Variants in SERPINC1 observed in about 807,000 individuals in gnomAD.
SERPINC1 encodes antithrombin-III.
SERPINC1 carries 12 observed loss-of-function variants against 43.4 expected under a neutral mutation model. The ratio of observed to expected loss-of-function variants is 0.28; its 90% CI spans 0.18 to 0.45. The LOEUF is 0.45. SERPINC1 is among the 20% of genes least tolerant of loss of function. The probability of loss-of-function intolerance (pLI) is 1.00; values close to 1 mark genes in which losing one functional copy is unlikely to be tolerated. For missense variants in SERPINC1, 423 were observed against 578.8 expected (o/e 0.73, Z 2.76); for synonymous variants, 210 against 218.9 (o/e 0.96, Z 0.36).
intron 6 of SERPINC1, 143 bp from the exon 7 acceptor site, chr1:173,904,208 A>G (rs1657386285): frequency 2.7e-6 from 2 of 750,498 alleles, no homozygotes; most frequent in South Asian, 1.5e-5. Flanking sequence ...GATTCCCTCC[A>G]GAATCCTACT....
chr1:173,915,036 A>G, intron 1 of SERPINC1, 117 bp from the exon 2 acceptor site: 1 of 1,535,388 alleles, frequency 6.5e-7, no homozygotes, highest in Admixed American at 2.0e-5. Flanking sequence ...GCCAAGAGAA[A>G]GGCTAAATCC....
intron 5 of SERPINC1, among the ~76,000 whole-genome samples, chr1:173,908,108 A>G (rs1299455800): frequency 6.6e-6 from 1 of 151,974 alleles, no homozygotes; most frequent in Non-Finnish European, 1.5e-5. Flanking sequence ...AGAAACGGCA[A>G]GACTCTGTTC....
chr1:173,910,684 T>A, intron 4 of SERPINC1, 70 bp downstream of exon 4: 13 of 1,478,488 alleles, frequency 8.8e-6, no homozygotes, highest in Non-Finnish European at 1.1e-5. Flanking sequence ...TCTCGCCATT[T>A]AAAAAAAAAG....
chr1:173,916,351 G>A (rs1418851968), intron 1 of SERPINC1, among the ~76,000 whole-genome samples: 3 of 152,202 alleles, frequency 2.0e-5, no homozygotes, highest in South Asian at 2.1e-4. Flanking sequence ...CACGGACGTG[G>A]TCCGTTGGGC....
At chr1:173,910,728 G>A (rs1406029256) in intron 4 of SERPINC1, 26 bp downstream of exon 4, 3 of 1,610,180 alleles carry the variant, frequency 1.9e-6, no homozygotes, top group South Asian at 2.2e-5. Context: ...AAGTCCCTGG[G>A]GTCTCTCCAG....
At chr1:173,916,948 CT>C (rs1658016776) in intron 1 of SERPINC1, among the ~76,000 whole-genome samples, 1 of 152,172 alleles carries the variant, frequency 6.6e-6, no homozygotes, top group African/African-American at 2.4e-5. Flanking sequence ...CCCGTGAGTG[CT>C]GACTTCCTGC....
intron 4 of SERPINC1, 31 bp downstream of exon 4, chr1:173,910,723 C>T (rs374909354): frequency 7.3e-5 from 118 of 1,612,082 alleles, no homozygotes; most frequent in Non-Finnish European, 9.4e-5. Context: ...AGAGGAAGTC[C>T]CTGGGGTCTC....
At position 173,911,851 on chromosome 1, in the gene SERPINC1, T is replaced by C. The variant is rs1131691435; in HGVS notation, c.572A>G (p.Gln191Arg). 6.2e-7 allele frequency: 1 copy of C among 1,614,218 alleles called. No homozygotes were observed. The highest frequency in any genetic ancestry group is 2.2e-5 in the East Asian group (1 of 44,890). ...TCCATATACCAACTCACTGATGTCC[T>C]GGTAGGTCTCATTGAAGGTAAGGGA... ...DKSLTFNETY[Q>R]DISELVYGAK... The change falls in exon 3 of 7, where the codon CAG becomes CGG. Residue 191 changes from glutamine to arginine, a missense_variant. By Grantham distance (43) the Gln-to-Arg change is conservative (BLOSUM62 1). Coordinates refer to ENST00000367698, the MANE Select transcript of SERPINC1 (RefSeq NM_000488.4).
rs2102782763 is a variant in SERPINC1, at chr1:173,909,731, G to A, written c.974C>T (p.Ala325Val). 6.2e-7 allele frequency: 1 copy of A among 1,614,132 alleles called. No individual in the cohort carries two copies. Among genetic ancestry groups the A allele is most frequent in the Non-Finnish European group, 8.5e-7 (1 of 1,179,992 alleles). Residue 325 changes from alanine to valine, a missense_variant, in exon 5 of 7, where the codon GCC (alanine) becomes GTC (valine). Ala to Val is a moderately conservative substitution (Grantham distance 64). Coordinates refer to ENST00000367698, the MANE Select transcript of SERPINC1 (RefSeq NM_000488.4). ...LILPKPEKSL[A>V]KVEKELTPEV... Reference sequence around the variant, plus strand: ...TGGGGTGAGTTCCTTCTCTACCTTGGCCAGGCTCTTCTCAGGCTTGGGCAA... The same window carrying A: ...TGGGGTGAGTTCCTTCTCTACCTTGACCAGGCTCTTCTCAGGCTTGGGCAA...
At chr1:173,917,178 A>G (rs760952234) in intron 1 of SERPINC1, 41 bp downstream of exon 1, 50 of 1,593,884 alleles carry the variant, frequency 3.1e-5, no homozygotes, top group Non-Finnish European at 2.6e-6. Flanking sequence ...AGGTCACAAA[A>G]CCCAGTAGGG....
At chr1:173,907,699 G>T (rs1030665809) in intron 5 of SERPINC1, among the ~76,000 whole-genome samples, 185 bp from the exon 6 acceptor site, 13 of 152,204 alleles carry the variant, frequency 8.5e-5, no homozygotes, top group African/African-American at 2.9e-4. Context: ...TACTTTGGGG[G>T]CTGGGTGCAG....
intron 1 of SERPINC1, among the ~76,000 whole-genome samples, chr1:173,916,425 T>C (rs1572092945): frequency 1.3e-5 from 2 of 152,078 alleles, no homozygotes; most frequent in African/African-American, 2.4e-5. Context: ...GTGGTCTGAG[T>C]CCAGTTCTGC....
At chr1:173,905,264 A>C (rs919456521) in intron 6 of SERPINC1, among the ~76,000 whole-genome samples, 2 of 151,654 alleles carry the variant, frequency 1.3e-5, no homozygotes. Flanking sequence ...TTAATACAGC[A>C]CTCTTGTAAA....
chr1:173,908,103 C>T (rs969618915), intron 5 of SERPINC1, among the ~76,000 whole-genome samples: 4 of 151,678 alleles, frequency 2.6e-5, no homozygotes, highest in African/African-American at 7.3e-5. Flanking sequence ...GAGAGAGAAA[C>T]GGCAAGACTC....
At chr1:173,904,784 C>T (rs1356490703) in intron 6 of SERPINC1, among the ~76,000 whole-genome samples, 6 of 152,134 alleles carry the variant, frequency 3.9e-5, no homozygotes, top group Non-Finnish European at 7.3e-5. Flanking sequence ...TCCTCCCTTC[C>T]TTACCCGCTA....
At position 173,915,404 on chromosome 1, in the gene SERPINC1, G is replaced by A. The variant is rs180933054; in HGVS notation, c.42-485C>T. On this transcript the variant is annotated intron_variant, in intron 1 of 6. Coordinates refer to ENST00000367698, the MANE Select transcript of SERPINC1 (RefSeq NM_000488.4). ...GCAAAGGCAATATCTGGCCGGGTGC[G>A]GTGGCTCACGCCTGTAATCCCAGCA... Among the ~76,000 whole-genome samples the A allele has an allele frequency of 2.6e-3, 399 of 152,252 alleles. 1 individual carries two copies. Among genetic ancestry groups the A allele is most frequent in the Middle Eastern group, 6.8e-3 (2 of 292 alleles).
chr1:173,912,094 C>A, intron 2 of SERPINC1, 80 bp from the exon 3 acceptor site: 1 of 991,416 alleles, frequency 1.0e-6, no homozygotes, highest in Middle Eastern at 2.1e-4. Context: ...GCTGGTCAGT[C>A]TCTGACTAAT....
intron 1 of SERPINC1, 146 bp from the exon 2 acceptor site, chr1:173,915,065 G>C: frequency 1.3e-6 from 2 of 1,517,174 alleles, no homozygotes; most frequent in East Asian, 4.9e-5. Flanking sequence ...AAGTACAGGG[G>C]CCCGGGACAG....
At chr1:173,904,141 A>C in intron 6 of SERPINC1, 76 bp from the exon 7 acceptor site, 1 of 1,365,688 alleles carries the variant, frequency 7.3e-7, no homozygotes, top group Non-Finnish European at 1.0e-6. Flanking sequence ...ATCCACAGAC[A>C]CAGCAATTCC....
Sources: gnomAD v4.1 joint callset for allele counts (sites outside exome capture counted in the v4.1 genomes callset) on GRCh38, gnomAD v4.1.1 for gene constraint, MANE v1.5 for transcripts, NCBI Gene and HGNC (gene_info 2026-07-23, HGNC 2026-07-21) for gene names.